The following LRP1B variants were observed in gnomAD, a reference collection of about 807,000 sequenced individuals.
LRP1B encodes LDL receptor related protein 1B.
A neutral mutation model predicts 556.6 loss-of-function variants in LRP1B; 217 were observed. That is an observed-to-expected ratio of 0.39 (90% CI 0.35 to 0.44). The LOEUF (loss-of-function observed/expected upper bound fraction) is 0.44, where lower values mean the gene tolerates loss of function less well. Among genes scored for constraint, LRP1B ranks in the 20% least tolerant of loss-of-function variants. The pLI, the probability that LRP1B is intolerant of heterozygous loss-of-function variation, is 1.00. For missense variants in LRP1B, 5,053 were observed against 5,620.8 expected (o/e 0.90, Z 3.23); for synonymous variants, 2,047 against 1,865.8 (o/e 1.10, Z -2.50).
intron 3 of LRP1B, among the ~76,000 whole-genome samples, chr2:141,454,229 T>C (rs981140297): frequency 7.2e-5 from 11 of 152,186 alleles, no homozygotes; most frequent in African/African-American, 2.7e-4. Flanking sequence ...TTGGTCAATT[T>C]AAAATGACCT....
chr2:140,391,468 T>C (rs758345306), intron 66 of LRP1B, among the ~76,000 whole-genome samples: 1 of 150,436 alleles, frequency 6.6e-6, no homozygotes, highest in East Asian at 2.0e-4. Context: ...TCACACGTTG[T>C]ATACTGTAGA....
chr2:141,055,802 ATGTGTG>A (rs10664722), intron 9 of LRP1B, among the ~76,000 whole-genome samples: 45 of 145,546 alleles, frequency 3.1e-4, no homozygotes, highest in East Asian at 4.1e-4. Flanking sequence ...TTACCACAAA[ATGTGTG>A]TGTGTGTGTG....
chr2:141,731,348 T>C (rs970648127), intron 2 of LRP1B, among the ~76,000 whole-genome samples: 3 of 152,046 alleles, frequency 2.0e-5, no homozygotes, highest in Non-Finnish European at 2.9e-5. Flanking sequence ...AGGATAAGGG[T>C]TACAGCTGCT....
intron 11 of LRP1B, among the ~76,000 whole-genome samples, chr2:141,042,329 C>G (rs916326549): frequency 1.3e-5 from 2 of 152,032 alleles, no homozygotes; most frequent in African/African-American, 4.8e-5. Flanking sequence ...GCTCCAGATT[C>G]GTCTCTTGTA....
intron 1 of LRP1B, among the ~76,000 whole-genome samples, chr2:141,880,556 G>A (rs947470209): frequency 1.3e-5 from 2 of 151,824 alleles, no homozygotes; most frequent in African/African-American, 2.4e-5. Context: ...ATAAAAATTA[G>A]ACAATAGTGA....
chr2:140,264,495 C>G (rs1682096421), intron 86 of LRP1B, among the ~76,000 whole-genome samples: 1 of 152,078 alleles, frequency 6.6e-6, no homozygotes, highest in Non-Finnish European at 1.5e-5. Flanking sequence ...CTCAAGTGAT[C>G]CGCCCACCTC....
intron 2 of LRP1B, among the ~76,000 whole-genome samples, chr2:141,490,596 T>A (rs1049163531): frequency 7.2e-5 from 11 of 152,076 alleles, no homozygotes; most frequent in Non-Finnish European, 1.0e-4. Flanking sequence ...GTTATAGCCT[T>A]AGAAATAAGA....
chr2:141,259,173 G>T (rs1684595210), intron 3 of LRP1B, among the ~76,000 whole-genome samples: 1 of 152,114 alleles, frequency 6.6e-6, no homozygotes, highest in South Asian at 2.1e-4. Context: ...TAGTAAGAGG[G>T]AGTCTAAAAG....
intron 27 of LRP1B, among the ~76,000 whole-genome samples, chr2:140,859,980 G>A (rs902244716): frequency 2.0e-5 from 3 of 152,036 alleles, no homozygotes; most frequent in South Asian, 2.1e-4. Context: ...GGGTGAAAGA[G>A]CGAGACTCCA....
intron 79 of LRP1B, among the ~76,000 whole-genome samples, chr2:140,329,893 C>A (rs896694418): frequency 9.3e-4 from 134 of 143,952 alleles, no homozygotes; most frequent in African/African-American, 3.0e-3. Context: ...GAAAAAAAAA[C>A]AAAAACAAAA....
chr2:142,119,256 A>C (rs1253786846), intron 1 of LRP1B, among the ~76,000 whole-genome samples: 1 of 152,178 alleles, frequency 6.6e-6, no homozygotes, highest in African/African-American at 2.4e-5. Context: ...CATTACTTAT[A>C]ATGATCATGT....
At chr2:141,286,406 A>G (rs1685723260) in intron 3 of LRP1B, among the ~76,000 whole-genome samples, 2 of 152,098 alleles carry the variant, frequency 1.3e-5, no homozygotes, top group South Asian at 4.1e-4. Flanking sequence ...GCTATTTGCC[A>G]TTGTTACTAT....
chr2:141,676,100 A>G lies in LRP1B; in HGVS notation c.205+134179T>C, dbSNP rs1268085907. 2.0e-5 allele frequency among the ~76,000 whole-genome samples: 3 copies of G among 152,058 alleles called. No individual in the cohort carries two copies. The East Asian group carries it at 5.8e-4, about 29-fold the overall frequency. ...AACTTCCTTTTATTATAAAATACTT[A>G]TGAATGGATTGTATTTTTAGTTGTT... is the stretch of plus-strand genomic sequence containing the variant. On this transcript the variant is annotated intron_variant, in intron 2 of 90. Transcript: ENST00000389484.
At chr2:141,839,167 T>C (rs1187507956) in intron 1 of LRP1B, among the ~76,000 whole-genome samples, 2 of 152,204 alleles carry the variant, frequency 1.3e-5, no homozygotes, top group Non-Finnish European at 2.9e-5. Context: ...TAGGTTATTG[T>C]CATCCAAAAT....
At chr2:141,292,653 G>A (rs191664708) in intron 3 of LRP1B, among the ~76,000 whole-genome samples, 280 of 152,154 alleles carry the variant, frequency 1.8e-3, no homozygotes, top group African/African-American at 6.1e-3. Context: ...TATTCCTCCC[G>A]ATAACCTATA....
At chr2:141,791,162 C>G (rs950836179) in intron 2 of LRP1B, among the ~76,000 whole-genome samples, 2 of 151,622 alleles carry the variant, frequency 1.3e-5, no homozygotes, top group Admixed American at 1.3e-4. Context: ...ACACCACAAG[C>G]AATAAAGTGT....
chr2:141,664,071 A>T (rs1690330730), intron 2 of LRP1B, among the ~76,000 whole-genome samples: 1 of 152,208 alleles, frequency 6.6e-6, no homozygotes, highest in Non-Finnish European at 1.5e-5. Flanking sequence ...AAGGGATGCA[A>T]GGCTGGTTCA....
chr2:141,727,992 AT>A (rs529084148), intron 2 of LRP1B, among the ~76,000 whole-genome samples: 1 of 151,898 alleles, frequency 6.6e-6, no homozygotes, highest in African/African-American at 2.4e-5. Context: ...CTACTATGTG[AT>A]TTTTTTCCCC....
intron 7 of LRP1B, among the ~76,000 whole-genome samples, chr2:141,168,933 G>C (rs1015250717): frequency 1.2e-4 from 18 of 151,996 alleles, no homozygotes; most frequent in Admixed American, 2.6e-4. Context: ...GACAAATGTG[G>C]TACTCAAGGG....
Sources: allele counts gnomAD v4.1 joint callset (sites outside exome capture counted in the v4.1 genomes callset), GRCh38; gene constraint gnomAD v4.1.1; transcripts MANE v1.5; gene names NCBI Gene and HGNC (gene_info 2026-07-23, HGNC 2026-07-21).